FOXO3: variants seen among roughly 807,000 people sequenced by gnomAD.
FOXO3 encodes the protein forkhead box protein O3.
In FOXO3, 4 loss-of-function variants were observed where a neutral mutation model predicts 41.9. The ratio of observed to expected loss-of-function variants is 0.10; its 90% confidence interval spans 0.05 to 0.22. The LOEUF (loss-of-function observed/expected upper bound fraction) is 0.22. Ranked by LOEUF, FOXO3 falls within the 10% of genes least tolerant of loss-of-function variation. FOXO3 has a pLI of 1.00. For synonymous variants in FOXO3, 318 were observed against 389.3 expected (o/e 0.82, Z 2.16); for missense variants, 534 against 906.8 (o/e 0.59, Z 5.28).
intron 1 of FOXO3, 106 bp downstream of exon 1, chr6:108,561,935 G>GT: frequency 7.0e-7 from 1 of 1,430,032 alleles, no homozygotes; most frequent in Non-Finnish European, 9.1e-7. Context: ...AGGGCAAGGG[G>GT]TTGGCAGGGG....
intron 1 of FOXO3, among the ~76,000 whole-genome samples, chr6:108,562,189 T>C (rs577082210): frequency 8.4e-4 from 127 of 151,260 alleles, no homozygotes; most frequent in South Asian, 2.3e-3. Flanking sequence ...GTAGTGGGGG[T>C]CTGGTGCGGG....
At chr6:108,642,603 A>G (rs1348731736) in intron 1 of FOXO3, among the ~76,000 whole-genome samples, 1 of 152,198 alleles carries the variant, frequency 6.6e-6, no homozygotes, top group African/African-American at 2.4e-5. Context: ...CACTTGCCAG[A>G]TGTTTAGAAT....
At chr6:108,631,125 A>G (rs1216846599) in intron 1 of FOXO3, among the ~76,000 whole-genome samples, 1 of 152,188 alleles carries the variant, frequency 6.6e-6, no homozygotes, top group Non-Finnish European at 1.5e-5. Flanking sequence ...GTGTTTTCCA[A>G]ATCAACTGGT....
chr6:108,635,534 AAATGTGT>A (rs1778098415), intron 1 of FOXO3, among the ~76,000 whole-genome samples: 4 of 152,210 alleles, frequency 2.6e-5, no homozygotes, highest in African/African-American at 9.7e-5. Context: ...TGTTTGTTTT[AAATGTGT>A]CACAAAAAGA....
At chr6:108,651,308 G>A (rs1448072104) in intron 1 of FOXO3, among the ~76,000 whole-genome samples, 3 of 152,288 alleles carry the variant, frequency 2.0e-5, no homozygotes, top group African/African-American at 7.2e-5. Context: ...TTGACACTTG[G>A]AAGATAGCCT....
intron 1 of FOXO3, among the ~76,000 whole-genome samples, chr6:108,636,633 GCCT>G (rs1005381243): frequency 2.0e-5 from 3 of 152,130 alleles, no homozygotes; most frequent in Non-Finnish European, 4.4e-5. Context: ...CTGGGAAGTG[GCCT>G]CCTCCTTTAA....
chr6:108,605,789 T>A lies in FOXO3; in HGVS notation c.621+43960T>A, dbSNP rs146314884. Among the ~76,000 whole-genome samples the A allele has an allele frequency of 2.0e-3, 305 of 152,348 alleles. 1 individual carries two copies. Among genetic ancestry groups the A allele is most frequent in the Non-Finnish European group, 3.7e-3 (253 of 68,030 alleles). Reference sequence around the variant, plus strand: ...AACAGGCCAGGAGGCTGAACAGTTCTGAGAGGGAGGCATGGAAATGCAGCA... The same window carrying A: ...AACAGGCCAGGAGGCTGAACAGTTCAGAGAGGGAGGCATGGAAATGCAGCA... On this transcript the variant is annotated intron_variant, in intron 1 of 2. Transcript: ENST00000406360.
At chr6:108,579,217 C>T (rs557753970) in intron 1 of FOXO3, among the ~76,000 whole-genome samples, 259 of 152,216 alleles carry the variant, frequency 1.7e-3, no homozygotes, top group Non-Finnish European at 2.3e-3. Flanking sequence ...TACATGAAGC[C>T]ATATCCAAGA....
intron 1 of FOXO3, among the ~76,000 whole-genome samples, chr6:108,662,741 C>G (rs1027719860): frequency 6.6e-6 from 1 of 152,100 alleles, no homozygotes; most frequent in African/African-American, 2.4e-5. Flanking sequence ...CTTAGAGAGC[C>G]GGGGAAGTTT....
intron 1 of FOXO3, among the ~76,000 whole-genome samples, chr6:108,652,289 G>A (rs1778566269): frequency 6.6e-6 from 1 of 152,186 alleles, no homozygotes. Context: ...GTCCCTTTGA[G>A]GTCTGTCTGA....
At chr6:108,673,179 A>G (rs958513112) in intron 2 of FOXO3, among the ~76,000 whole-genome samples, 1 of 152,198 alleles carries the variant, frequency 6.6e-6, no homozygotes, top group African/African-American at 2.4e-5. Context: ...CCACCGAGTA[A>G]CAAAAGCCAA....
chr6:108,589,031 CAAAAT>C (rs1433795219), intron 1 of FOXO3, among the ~76,000 whole-genome samples: 3 of 152,120 alleles, frequency 2.0e-5, no homozygotes, highest in African/African-American at 7.2e-5. Flanking sequence ...TTTCCTAAGA[CAAAAT>C]AGAGTGTGTT....
intron 1 of FOXO3, among the ~76,000 whole-genome samples, chr6:108,565,315 A>T (rs1050077909): frequency 6.6e-6 from 1 of 152,228 alleles, no homozygotes; most frequent in Admixed American, 6.5e-5. Context: ...TGACTATCTC[A>T]CAGGTTCCCT....
At chr6:108,572,016 G>A (rs896556606) in intron 1 of FOXO3, among the ~76,000 whole-genome samples, 1 of 152,122 alleles carries the variant, frequency 6.6e-6, no homozygotes. Context: ...TTCCCAGTTA[G>A]AGCTACTAGA....
At chr6:108,618,887 C>T (rs955135705) in intron 1 of FOXO3, among the ~76,000 whole-genome samples, 7 of 152,278 alleles carry the variant, frequency 4.6e-5, no homozygotes, top group Non-Finnish European at 1.0e-4. Context: ...TCTCTGATTA[C>T]TAATCTGTGT....
chr6:108,670,544 A>T (rs1404539446), intron 2 of FOXO3, among the ~76,000 whole-genome samples: 1 of 151,988 alleles, frequency 6.6e-6, no homozygotes, highest in African/African-American at 2.4e-5. Context: ...AACAAAGAGA[A>T]ATTGCATTAT....
intron 2 of FOXO3, among the ~76,000 whole-genome samples, chr6:108,669,853 G>T (rs868498258): frequency 6.6e-6 from 1 of 152,306 alleles, no homozygotes; most frequent in Middle Eastern, 3.4e-3. Context: ...CAGAGCCTGA[G>T]TGGCTCCTCC....
At chr6:108,579,600 G>T (rs2128359603) in intron 1 of FOXO3, among the ~76,000 whole-genome samples, 2 of 152,330 alleles carry the variant, frequency 1.3e-5, no homozygotes, top group Admixed American at 1.3e-4. Context: ...ACTCACAGGT[G>T]AAATGTGTCA....
chr6:108,611,796 C>A (rs1777372390), intron 1 of FOXO3, among the ~76,000 whole-genome samples: 1 of 150,570 alleles, frequency 6.6e-6, no homozygotes, highest in East Asian at 1.9e-4. Context: ...ATTGCCAGTA[C>A]TTTTTCTTGT....
Sources: allele counts gnomAD v4.1 joint callset (sites outside exome capture counted in the v4.1 genomes callset), GRCh38; gene constraint gnomAD v4.1.1; transcripts MANE v1.5; gene names NCBI Gene and HGNC (gene_info 2026-07-23, HGNC 2026-07-21).